CLTCL1: variants seen among roughly 807,000 people sequenced by gnomAD.
CLTCL1 encodes the protein clathrin heavy chain 2.
CLTCL1 carries 159 observed loss-of-function variants against 190.0 expected under a neutral mutation model. That is an observed-to-expected ratio of 0.84 (90% confidence interval 0.74 to 0.95). The LOEUF (loss-of-function observed/expected upper bound fraction) is 0.95. Ranked by LOEUF, CLTCL1 falls within the 40% of genes least tolerant of loss-of-function variation. The pLI, the probability that CLTCL1 is intolerant of heterozygous loss-of-function variation, is 0.00. For synonymous variants in CLTCL1, 752 were observed against 769.6 expected, an observed-to-expected ratio of 0.98 and a Z score of 0.38; for missense variants, 1,878 against 2,033.4, an observed-to-expected ratio of 0.92 and a Z score of 1.47.
At chr22:19,291,493 C>T in intron 1 of CLTCL1, 107 bp downstream of exon 1, 1 of 1,088,892 alleles carries the variant, frequency 9.2e-7, no homozygotes, top group Non-Finnish European at 1.2e-6. Flanking sequence ...TCGGCGCGGC[C>T]AGCTGGGCAG....
intron 1 of CLTCL1, among the ~76,000 whole-genome samples, chr22:19,280,745 G>C (rs2087678060): frequency 6.7e-6 from 1 of 149,896 alleles, no homozygotes; most frequent in Non-Finnish European, 1.5e-5. Flanking sequence ...CCTGAACCCA[G>C]GAGGTGGAGG....
At chr22:19,241,560 A>C (rs781903656) in intron 4 of CLTCL1, among the ~76,000 whole-genome samples, 1 of 152,218 alleles carries the variant, frequency 6.6e-6, no homozygotes, top group Non-Finnish European at 1.5e-5. Context: ...ATTCTAATTG[A>C]GAACTCCTCT....
chr22:19,229,783 C>CCA (rs10643252), intron 11 of CLTCL1, 55 bp downstream of exon 11: 100,129 of 1,523,452 alleles, frequency 0.066, 3,497 homozygotes, highest in Middle Eastern at 0.11. Context: ...GTCTGCAAAC[C>CCA]CAGAGAGGTG....
At chr22:19,196,207 C>A in intron 26 of CLTCL1, 59 bp downstream of exon 26, 1 of 1,561,640 alleles carries the variant, frequency 6.4e-7, no homozygotes, top group Non-Finnish European at 8.7e-7. Context: ...CATTCCCCTG[C>A]ACCCAGAATA....
chr22:19,210,565 T>A, intron 19 of CLTCL1, 56 bp from the exon 20 acceptor site: 1 of 1,542,192 alleles, frequency 6.5e-7, no homozygotes, highest in Non-Finnish European at 8.8e-7. Flanking sequence ...GCACAAACCA[T>A]TTTTTGGCAG....
chr22:19,215,970 G>A, intron 19 of CLTCL1, 141 bp downstream of exon 19: 1 of 699,302 alleles, frequency 1.4e-6, no homozygotes, highest in Non-Finnish European at 2.4e-6. Flanking sequence ...TAGAGGAGGT[G>A]GTAAGAAGAT....
Position 19,180,196 on chromosome 22 carries a change from T to C in CLTCL1, c.*20+3A>G, listed in dbSNP as rs782092200. 2 of 1,613,204 alleles carry C rather than the reference T, an allele frequency of 1.2e-6. No homozygotes were observed. The highest frequency in any genetic ancestry group is 4.5e-5 in the East Asian group (2 of 44,870). On this transcript the variant is annotated splice_donor_region_variant and intron_variant, in intron 32 of 32. Coordinates refer to ENST00000427926, the MANE Select transcript of CLTCL1 (RefSeq NM_007098.4). The stretch of plus-strand genomic sequence containing the variant: ...TAAGCTAGTCTCCAAATGGGACACT[T>C]ACTTAGTGCAATCAGCTGGGTCTCA...
chr22:19,222,108 G>T lies in CLTCL1; in HGVS notation c.2419-15C>A. ...CTAGGGTTGACCTAGGGTAGTCAAGGTCAAGTAACTTCAGTGTTGCAAACA... is the reference window on the plus strand; with the variant it reads ...CTAGGGTTGACCTAGGGTAGTCAAGTTCAAGTAACTTCAGTGTTGCAAACA... On this transcript the variant is annotated splice_polypyrimidine_tract_variant and intron_variant, in intron 15 of 32. Coordinates refer to ENST00000427926, the MANE Select transcript of CLTCL1 (RefSeq NM_007098.4). 6.2e-7 allele frequency: 1 copy of T among 1,612,680 alleles called. No individual in the cohort carries two copies. Among genetic ancestry groups the T allele is most frequent in the Non-Finnish European group, 8.5e-7 (1 of 1,179,336 alleles).
intron 2 of CLTCL1, among the ~76,000 whole-genome samples, chr22:19,256,667 ATTT>A (rs1160788962): frequency 1.5e-5 from 2 of 137,020 alleles, no homozygotes; most frequent in African/African-American, 2.7e-5. Context: ...CTAATTTTTA[ATTT>A]TTTTTTTTTT....
chr22:19,188,161 G>C, intron 27 of CLTCL1, 70 bp from the exon 28 acceptor site: 4 of 1,363,250 alleles, frequency 2.9e-6, no homozygotes, highest in African/African-American at 1.4e-5. Context: ...AGGGGCACAG[G>C]TGGGCACGTG....
intron 2 of CLTCL1, among the ~76,000 whole-genome samples, chr22:19,268,302 C>A (rs1488238832): frequency 6.6e-6 from 1 of 152,132 alleles, no homozygotes; most frequent in African/African-American, 2.4e-5. Flanking sequence ...TCCCAGCCTC[C>A]AGAACTATGA....
At chr22:19,207,975 T>C (rs2146372603) in intron 22 of CLTCL1, 179 bp downstream of exon 22, 1 of 714,696 alleles carries the variant, frequency 1.4e-6, no homozygotes, top group East Asian at 2.7e-5. Flanking sequence ...AGAAATAAAG[T>C]GGACAATAAA....
intron 9 of CLTCL1, 25 bp from the exon 10 acceptor site, chr22:19,232,623 G>A (rs2085952233): frequency 6.3e-7 from 1 of 1,596,188 alleles, no homozygotes; most frequent in Non-Finnish European, 8.5e-7. Flanking sequence ...GCACCAATCA[G>A]GAAAATCAAT....
chr22:19,262,329 T>C (rs1468673737), intron 2 of CLTCL1, among the ~76,000 whole-genome samples: 1 of 151,268 alleles, frequency 6.6e-6, no homozygotes, highest in South Asian at 2.1e-4. Context: ...CCCAGCCTGA[T>C]GTCTTATTTT....
chr22:19,260,362 T>C (rs1283955340), intron 2 of CLTCL1, among the ~76,000 whole-genome samples: 1 of 152,146 alleles, frequency 6.6e-6, no homozygotes, highest in Admixed American at 6.5e-5. Context: ...GAGAAGTCAA[T>C]GCCTGGCTTC....
At chr22:19,265,122 A>T (rs1340380937) in intron 2 of CLTCL1, among the ~76,000 whole-genome samples, 12 of 152,174 alleles carry the variant, frequency 7.9e-5, no homozygotes. Context: ...AAAACACATG[A>T]TCAGTAAGAT....
At chr22:19,284,234 C>A (rs1183691224) in intron 1 of CLTCL1, among the ~76,000 whole-genome samples, 1 of 152,204 alleles carries the variant, frequency 6.6e-6, no homozygotes, top group Non-Finnish European at 1.5e-5. Context: ...AATATTTTTT[C>A]TTTCTGTATC....
chr22:19,221,699 A>T, intron 16 of CLTCL1, 88 bp from the exon 17 acceptor site: 3 of 1,228,068 alleles, frequency 2.4e-6, no homozygotes, highest in Non-Finnish European at 3.4e-6. Context: ...ATGTTTCCTG[A>T]AACAAAAAAT....
chr22:19,246,537 C>T (rs971948831), intron 3 of CLTCL1, among the ~76,000 whole-genome samples: 4 of 149,886 alleles, frequency 2.7e-5, no homozygotes, highest in South Asian at 2.1e-4. Flanking sequence ...AGTGCAATGG[C>T]GCGATCTCGG....
Sources: gnomAD v4.1 joint callset for allele counts (sites outside exome capture counted in the v4.1 genomes callset) on GRCh38, gnomAD v4.1.1 for gene constraint, MANE v1.5 for transcripts, NCBI Gene and HGNC (gene_info 2026-07-23, HGNC 2026-07-21) for gene names.